Variants in PXDNL observed in about 807,000 individuals in gnomAD.
PXDNL encodes probable oxidoreductase PXDNL.
PXDNL carries 145 observed loss-of-function variants against 150.8 expected under a neutral mutation model. That is an observed-to-expected ratio of 0.96 (90% CI 0.84 to 1.10). The LOEUF (loss-of-function observed/expected upper bound fraction) is 1.10. Ranked by LOEUF, PXDNL falls within the 50% of genes least tolerant of loss-of-function variation. PXDNL has a pLI of 0.00. For synonymous variants in PXDNL, 757 were observed against 725.7 expected (o/e 1.04, Z -0.69); for missense variants, 2,087 against 1,873.9 (o/e 1.11, Z -2.10).
At chr8:51,796,978 G>A (rs1359461452) in intron 1 of PXDNL, among the ~76,000 whole-genome samples, 1 of 152,148 alleles carries the variant, frequency 6.6e-6, no homozygotes, top group Non-Finnish European at 1.5e-5. Context: ...TATCCACCAT[G>A]ATCAAGTTGG....
chr8:51,718,319 C>G (rs1032433631), intron 1 of PXDNL, among the ~76,000 whole-genome samples: 2 of 152,134 alleles, frequency 1.3e-5, no homozygotes, highest in Non-Finnish European at 2.9e-5. Context: ...ATCTTTAGCA[C>G]TGGACCCAGC....
chr8:51,322,529 A>AATAAC (rs1327866775), intron 21 of PXDNL, among the ~76,000 whole-genome samples: 1 of 152,138 alleles, frequency 6.6e-6, no homozygotes, highest in Non-Finnish European at 1.5e-5. Flanking sequence ...GGCAATGGGA[A>AATAAC]ATAACATCAC....
intron 1 of PXDNL, among the ~76,000 whole-genome samples, chr8:51,697,990 T>C (rs527399055): frequency 5.3e-5 from 8 of 152,346 alleles, no homozygotes; most frequent in African/African-American, 1.7e-4. Flanking sequence ...CTTTAAAAAG[T>C]ACTTAAGTAA....
At chr8:51,671,370 A>T (rs538024896) in intron 1 of PXDNL, among the ~76,000 whole-genome samples, 3 of 152,250 alleles carry the variant, frequency 2.0e-5, no homozygotes, top group Non-Finnish European at 4.4e-5. Context: ...CTCCTTTGGA[A>T]TTAGAAGCTA....
At chr8:51,772,279 G>A (rs576281889) in intron 1 of PXDNL, among the ~76,000 whole-genome samples, 14 of 150,220 alleles carry the variant, frequency 9.3e-5, no homozygotes, top group Middle Eastern at 3.4e-3. Flanking sequence ...CAGCTGCTCC[G>A]ATGGGTCACA....
intron 1 of PXDNL, among the ~76,000 whole-genome samples, chr8:51,752,399 GC>G (rs1211334801): frequency 6.6e-6 from 1 of 152,056 alleles, no homozygotes; most frequent in East Asian, 1.9e-4. Flanking sequence ...CCCACGAAAG[GC>G]CTATGCAAGA....
At chr8:51,738,142 A>G (rs1441126732) in intron 1 of PXDNL, among the ~76,000 whole-genome samples, 1 of 152,048 alleles carries the variant, frequency 6.6e-6, no homozygotes, top group Non-Finnish European at 1.5e-5. Context: ...CTTTTATCCC[A>G]CCCACAATAC....
chr8:51,481,173 C>T (rs1810596668), intron 6 of PXDNL, among the ~76,000 whole-genome samples: 3 of 152,122 alleles, frequency 2.0e-5, no homozygotes. Context: ...TGTTTAATGG[C>T]TTTGACCAAA....
At chr8:51,664,522 TAC>T (rs1815339288) in intron 1 of PXDNL, among the ~76,000 whole-genome samples, 1 of 152,098 alleles carries the variant, frequency 6.6e-6, no homozygotes. Flanking sequence ...CACTAGACAA[TAC>T]CAGCCCATTT....
chr8:51,345,410 C>T (rs1289419587), intron 20 of PXDNL, among the ~76,000 whole-genome samples: 1 of 152,166 alleles, frequency 6.6e-6, no homozygotes, highest in East Asian at 1.9e-4. Flanking sequence ...ATCTTGGTCA[C>T]AAATCAAGCC....
chr8:51,342,709 A>G (rs1389062893), intron 20 of PXDNL, among the ~76,000 whole-genome samples: 1 of 152,176 alleles, frequency 6.6e-6, no homozygotes. Context: ...CTGCGCAGGC[A>G]GGAGTCGAAG....
At chr8:51,755,475 A>G (rs2037090939) in intron 1 of PXDNL, among the ~76,000 whole-genome samples, 2 of 151,922 alleles carry the variant, frequency 1.3e-5, no homozygotes, top group African/African-American at 4.8e-5. Flanking sequence ...TTGTATTTTT[A>G]GTAGAGATGG....
At chr8:51,488,931 T>C (rs1810829870) in intron 5 of PXDNL, among the ~76,000 whole-genome samples, 1 of 152,204 alleles carries the variant, frequency 6.6e-6, no homozygotes, top group South Asian at 2.1e-4. Flanking sequence ...GACTGCAATA[T>C]GTATCATACT....
In PXDNL at chr8:51,592,683, G is replaced by T. The variant is rs1405414937; in HGVS notation, c.252C>A (p.Asn84Lys). The part of the protein sequence containing the change: ...KNLNTLLLNN[N>K]HIRKISRNAF... ...CATTTCTGGAAATCTTTCTGATGTG[G>T]TTGTTGTTCAGCAGACTGAAAAAGC... The change falls in exon 3 of 23, where the codon AAC becomes AAA. Residue 84 changes from asparagine (N) to lysine (K), a missense_variant. Physicochemically the swap from Asn to Lys is moderately conservative, Grantham distance 94. Transcript: ENST00000356297. 2.6e-6 allele frequency: 4 copies of T among 1,547,472 alleles called. No homozygotes were observed. The highest frequency in any genetic ancestry group is 3.5e-6 in the Non-Finnish European group (4 of 1,145,992).
intron 2 of PXDNL, among the ~76,000 whole-genome samples, chr8:51,598,072 A>G (rs1173320237): frequency 2.6e-5 from 4 of 152,128 alleles, no homozygotes; most frequent in African/African-American, 9.7e-5. Context: ...TAAAAATGCT[A>G]CTACTACTTT....
At chr8:51,526,929 G>A (rs7000275) in intron 4 of PXDNL, among the ~76,000 whole-genome samples, 19,092 of 151,996 alleles carry the variant, frequency 0.13, 1,358 homozygotes, top group East Asian at 0.24. Context: ...TCTGTGCTCC[G>A]CCCTGGGAAT....
chr8:51,656,894 C>G (rs1367718512), intron 1 of PXDNL, among the ~76,000 whole-genome samples: 2 of 152,164 alleles, frequency 1.3e-5, no homozygotes, highest in African/African-American at 4.8e-5. Context: ...TGTAACCACT[C>G]ATGTATTTGA....
rs376297411 is a variant in PXDNL at position 51,391,084 on chromosome 8, G to T, written c.3558-16353C>A. Among the ~76,000 whole-genome samples, 3 of 152,028 alleles carry T rather than the reference G, an allele frequency of 2.0e-5. 1 individual carries two copies. Among genetic ancestry groups the T allele is most frequent in the Non-Finnish European group, 4.4e-5 (3 of 67,998 alleles). The stretch of plus-strand genomic sequence containing the variant: ...TACAAAGGACATGAACTCATCATTT[G>T]TTATGGCTGCATAGTATTCCATGGT... On this transcript the variant is annotated intron_variant, in intron 17 of 22. Transcript: ENST00000356297.
At chr8:51,381,824 T>A (rs562271333) in intron 17 of PXDNL, among the ~76,000 whole-genome samples, 3 of 151,686 alleles carry the variant, frequency 2.0e-5, no homozygotes, top group East Asian at 3.9e-4. Context: ...AGCTAATTTT[T>A]TTTTTTTGAC....
Sources: allele counts gnomAD v4.1 joint callset (sites outside exome capture counted in the v4.1 genomes callset), GRCh38; gene constraint gnomAD v4.1.1; transcripts MANE v1.5; gene names NCBI Gene and HGNC (gene_info 2026-07-23, HGNC 2026-07-21).